The following SLC9A1 variants were observed in gnomAD, a reference collection of about 807,000 sequenced individuals.
SLC9A1 encodes sodium/hydrogen exchanger 1.
Under a neutral mutation model 67.9 loss-of-function variants are expected in SLC9A1, and 22 were observed. The observed-to-expected ratio is 0.32, with a 90% CI of 0.23 to 0.46. The LOEUF (loss-of-function observed/expected upper bound fraction) is 0.46. Ranked by LOEUF, SLC9A1 falls within the 20% of genes least tolerant of loss-of-function variation. The pLI is 1.00. For synonymous variants in SLC9A1, 421 were observed against 471.8 expected (o/e 0.89, Z 1.40); for missense variants, 686 against 1,094.8 (o/e 0.63, Z 5.27).
chr1:27,103,196 C>T (rs753098595), intron 6 of SLC9A1, 27 bp downstream of exon 6: 1 of 1,554,518 alleles, frequency 6.4e-7, no homozygotes, highest in Non-Finnish European at 8.9e-7. Context: ...CCTTCTGCAA[C>T]CAAGGGCCCA....
intron 3 of SLC9A1, among the ~76,000 whole-genome samples, chr1:27,108,416 G>A (rs1218172352): frequency 1.4e-5 from 2 of 140,178 alleles, no homozygotes; most frequent in Admixed American, 7.2e-5. Flanking sequence ...GGTGGCTCAC[G>A]CCTGTAATCC....
At chr1:27,145,264 C>G (rs1056782295) in intron 1 of SLC9A1, among the ~76,000 whole-genome samples, 1 of 152,188 alleles carries the variant, frequency 6.6e-6, no homozygotes, top group Non-Finnish European at 1.5e-5. Flanking sequence ...TGCTTGCTCC[C>G]TCTGTACTTT....
rs57583944 is a variant in SLC9A1, at chr1:27,147,299, C to CAAAAAAA, written c.352+6677_352+6683dup. Among the ~76,000 whole-genome samples, 175 of 43,836 alleles carry CAAAAAAA rather than the reference C, an allele frequency of 4.0e-3. 18 individuals are homozygous for CAAAAAAA. The highest frequency in any genetic ancestry group is 0.014 in the South Asian group (12 of 866). 28.8% of individuals were successfully genotyped at this position (43,836 alleles called of 152,430 possible). ...TGTGCAAAAGAGCGAGACTCTGTCT[C>CAAAAAAA]AAAAAAAAAAAAAAAAAAAAAAGAA... On this transcript the variant is annotated intron_variant, in intron 1 of 11. Transcript: ENST00000263980.
At position 27,103,144 on chromosome 1, in the gene SLC9A1, G is replaced by A. The variant is rs569561623; in HGVS notation, c.1575+79C>T. ...CACAGGGAGAAGGGGCTGATGGGGG[G>A]CAGAGACTTGAGGCCCAGCTGCTCC... On this transcript the variant is annotated intron_variant, in intron 6 of 11. Coordinates refer to ENST00000263980, the MANE Select transcript of SLC9A1 (RefSeq NM_003047.5). The A allele has an allele frequency of 2.1e-4, 217 of 1,055,842 alleles. No homozygotes were observed. In the African/African-American group the frequency reaches 2.9e-3, roughly 14 times the overall value. 65.4% of individuals were successfully genotyped at this position (1,055,842 alleles called of 1,614,324 possible).
At chr1:27,125,237 CTTTTT>C (rs71010327) in intron 1 of SLC9A1, among the ~76,000 whole-genome samples, 10 of 86,872 alleles carry the variant, frequency 1.2e-4, no homozygotes, top group East Asian at 4.0e-4. Flanking sequence ...CCTTTTCTTT[CTTTTT>C]TTTTTTTTTT....
At chr1:27,125,237 CT>C (rs71010327) in intron 1 of SLC9A1, among the ~76,000 whole-genome samples, 1,808 of 86,774 alleles carry the variant, frequency 0.021, 5 homozygotes, top group African/African-American at 0.081. Flanking sequence ...CCTTTTCTTT[CT>C]TTTTTTTTTT....
rs370000245 is a variant in SLC9A1 at position 27,153,993 on chromosome 1, G to A, written c.342C>T (p.Leu114=). ...GCAAACGGGACTTACCTATCTTCAT[G>A]AGGCAGGCCAGAAGGATCCAGAGGG... is the stretch of plus-strand genomic sequence containing the variant. ...EISLWILLAC[L]MKIGFHVIPT... is the part of the protein sequence containing the mutation. The change falls in exon 1 of 12, where the codon CTC becomes CTT. Residue 114 remains leucine, a synonymous_variant. Transcript: ENST00000263980. 1 of 1,557,162 alleles carries A rather than the reference G, an allele frequency of 6.4e-7. No individual in the cohort carries two copies. The highest frequency in any genetic ancestry group is 8.7e-7 in the Non-Finnish European group (1 of 1,146,456).
intron 1 of SLC9A1, among the ~76,000 whole-genome samples, chr1:27,122,444 T>C (rs2083310429): frequency 6.6e-6 from 1 of 152,184 alleles, no homozygotes; most frequent in Non-Finnish European, 1.5e-5. Flanking sequence ...TTGAGGATCC[T>C]GAAGCCTGCA....
chr1:27,115,706 G>A (rs916324657), intron 1 of SLC9A1, among the ~76,000 whole-genome samples: 3 of 151,558 alleles, frequency 2.0e-5, no homozygotes, highest in African/African-American at 4.9e-5. Context: ...TAGGAGGGCC[G>A]AGGCAGGAAG....
chr1:27,142,846 T>C (rs1319137576), intron 1 of SLC9A1, among the ~76,000 whole-genome samples: 1 of 152,086 alleles, frequency 6.6e-6, no homozygotes, highest in Non-Finnish European at 1.5e-5. Flanking sequence ...GCTTACTCAC[T>C]CTGGGGTCCT....
At chr1:27,138,957 G>A (rs950112460) in intron 1 of SLC9A1, among the ~76,000 whole-genome samples, 25 of 152,080 alleles carry the variant, frequency 1.6e-4, no homozygotes, top group Admixed American at 6.5e-5. Flanking sequence ...CATTCAGGAG[G>A]CCCGGGAATC....
intron 1 of SLC9A1, among the ~76,000 whole-genome samples, chr1:27,124,761 C>G (rs2083329838): frequency 6.6e-6 from 1 of 152,034 alleles, no homozygotes; most frequent in Non-Finnish European, 1.5e-5. Context: ...GGGTGTTAGC[C>G]ATCCTCCACT....
chr1:27,106,137 T>C lies in SLC9A1; in HGVS notation c.1283-50A>G, dbSNP rs2083183677. On this transcript the variant is annotated intron_variant, in intron 4 of 11. Transcript: ENST00000263980. The surrounding 1 kb of genome is among the most constrained non-coding windows in gnomAD (Gnocchi z 4.3). The stretch of plus-strand genomic sequence containing the variant: ...GAGGGTCAGGTCGGGCTGTCCCCAG[T>C]CCCTCCTGGATTCTGCATCAGTGAT... The C allele has an allele frequency of 8.2e-7, 1 of 1,222,704 alleles. No homozygotes were observed. The highest frequency in any genetic ancestry group is 2.7e-4 in the Middle Eastern group (1 of 3,742). The allele number at this position is 1,222,704 out of a possible 1,614,324, so 75.7% of individuals were successfully genotyped here. A position where few individuals can be genotyped will look rare whatever the true frequency, so the allele number is the denominator to read the frequency against.
Position 27,145,196 on chromosome 1 carries a change from A to G in SLC9A1, c.352+8787T>C, listed in dbSNP as rs148251544. On this transcript the variant is annotated intron_variant, in intron 1 of 11. Coordinates refer to ENST00000263980, the MANE Select transcript of SLC9A1 (RefSeq NM_003047.5). ...AATTCCTTTCCATCCTTCAAGACTCAGACTAATGTTCCACCTCCTTTGAGA... is the reference window on the plus strand; with the variant it reads ...AATTCCTTTCCATCCTTCAAGACTCGGACTAATGTTCCACCTCCTTTGAGA... 1.6e-3 allele frequency among the ~76,000 whole-genome samples: 239 copies of G among 152,170 alleles called. 1 individual carries two copies. The highest frequency in any genetic ancestry group is 5.3e-3 in the African/African-American group (222 of 41,520).
chr1:27,134,697 C>T (rs983250193), intron 1 of SLC9A1, among the ~76,000 whole-genome samples: 2 of 152,258 alleles, frequency 1.3e-5, no homozygotes, highest in Admixed American at 6.5e-5. Flanking sequence ...TCAAAAGATC[C>T]GATTTAATTT....
chr1:27,136,785 G>T (rs1012163650), intron 1 of SLC9A1, among the ~76,000 whole-genome samples: 18 of 152,160 alleles, frequency 1.2e-4, no homozygotes, highest in African/African-American at 4.3e-4. Context: ...GGAGGAGGCG[G>T]AAAATTCCCA....
At chr1:27,125,953 G>A (rs1030626264) in intron 1 of SLC9A1, among the ~76,000 whole-genome samples, 3 of 152,076 alleles carry the variant, frequency 2.0e-5, no homozygotes, top group Admixed American at 6.6e-5. Flanking sequence ...ATCCCCCTCC[G>A]CGTCTTTCCA....
intron 1 of SLC9A1, among the ~76,000 whole-genome samples, chr1:27,147,820 CCCCAT>C (rs770443974): frequency 6.6e-6 from 1 of 151,912 alleles, no homozygotes; most frequent in Non-Finnish European, 1.5e-5. Context: ...CACGGCAAAA[CCCCAT>C]CCCTACTAAA....
At chr1:27,121,871 C>A (rs181836045) in intron 1 of SLC9A1, among the ~76,000 whole-genome samples, 218 of 152,238 alleles carry the variant, frequency 1.4e-3, no homozygotes, top group Non-Finnish European at 2.4e-3. Flanking sequence ...ACCTATAATC[C>A]CAGCACTTTG....
Sources: allele counts gnomAD v4.1 joint callset (sites outside exome capture counted in the v4.1 genomes callset), GRCh38; gene constraint gnomAD v4.1.1; non-coding constraint Gnocchi (gnomAD v3.1); transcripts MANE v1.5; gene names NCBI Gene and HGNC (gene_info 2026-07-23, HGNC 2026-07-21).